KCNMB4: variants seen among roughly 807,000 people sequenced by gnomAD.
The protein encoded by KCNMB4 is calcium-activated potassium channel subunit beta-4.
A neutral mutation model predicts 20.7 loss-of-function variants in KCNMB4; 3 were observed. The ratio of observed to expected loss-of-function variants is 0.14; its 90% CI spans 0.07 to 0.37. KCNMB4 has a LOEUF of 0.37. Ranked by LOEUF, KCNMB4 falls within the 10% of genes least tolerant of loss-of-function variation. The probability of loss-of-function intolerance (pLI) is 1.00; values close to 1 mark genes in which losing one functional copy is unlikely to be tolerated. For missense variants in KCNMB4, 168 were observed against 265.9 expected, an observed-to-expected ratio of 0.63 and a Z score of 2.56; for synonymous variants, 110 against 113.4, an observed-to-expected ratio of 0.97 and a Z score of 0.19.
intron 2 of KCNMB4, 38 bp from the exon 3 acceptor site, chr12:70,430,447 T>C (rs1437342376): frequency 6.2e-7 from 1 of 1,608,954 alleles, no homozygotes; most frequent in Non-Finnish European, 8.5e-7. Context: ...CCAAGGCATT[T>C]GACTGCCCTT....
intron 1 of KCNMB4, among the ~76,000 whole-genome samples, chr12:70,388,911 C>T (rs1202470502): frequency 6.6e-6 from 1 of 151,528 alleles, no homozygotes; most frequent in Non-Finnish European, 1.5e-5. Flanking sequence ...GAGTAGTACT[C>T]CACTGCTCCA....
At chr12:70,395,613 G>A (rs938214083) in intron 1 of KCNMB4, among the ~76,000 whole-genome samples, 1 of 152,160 alleles carries the variant, frequency 6.6e-6, no homozygotes, top group East Asian at 1.9e-4. Flanking sequence ...TCCATGTTGT[G>A]TGATGATACT....
At chr12:70,395,206 A>G (rs191926667) in intron 1 of KCNMB4, among the ~76,000 whole-genome samples, 5 of 150,322 alleles carry the variant, frequency 3.3e-5, no homozygotes, top group African/African-American at 5.0e-5. Flanking sequence ...AATCAGCTGC[A>G]TGCATGTTTT....
At chr12:70,420,150 G>A (rs1167488393) in intron 2 of KCNMB4, among the ~76,000 whole-genome samples, 1 of 152,138 alleles carries the variant, frequency 6.6e-6, no homozygotes, top group Non-Finnish European at 1.5e-5. Flanking sequence ...GACTAACTGG[G>A]AAAGGGGATA....
Position 70,431,926 on chromosome 12 carries a change from A to G in KCNMB4, c.*1273A>G, listed in dbSNP as rs900299081. On this transcript the variant is annotated 3_prime_UTR_variant, in exon 3 of 3. Transcript: ENST00000258111. ...TCTATTAGAATAAAGGTAAACTGGA[A>G]TTTAAAGACAAGTTCCCCTCAGTTA... 4.6e-5 allele frequency: 7 copies of G among 152,166 alleles called. No homozygotes were observed. The highest frequency in any genetic ancestry group is 8.8e-5 in the Non-Finnish European group (6 of 68,028). The allele number at this position is 152,166 out of a possible 1,614,324, so 9.4% of individuals were successfully genotyped here.
intron 1 of KCNMB4, among the ~76,000 whole-genome samples, chr12:70,396,886 G>A (rs1005125476): frequency 3.3e-5 from 5 of 152,118 alleles, no homozygotes; most frequent in Admixed American, 2.0e-4. Flanking sequence ...TTCCAGCACC[G>A]TGCTTTGGAC....
chr12:70,385,081 GGTATTT>G lies in KCNMB4; in HGVS notation c.337-15118_337-15113del, dbSNP rs554324152. 2.6e-4 allele frequency among the ~76,000 whole-genome samples: 40 copies of G among 152,130 alleles called. No individual in the cohort carries two copies. In the East Asian group the frequency reaches 5.4e-3, roughly 21 times the overall value. ...AATACTTCTGGAATAAATACATCTT[GGTATTT>G]GTATTTGTAGTTACTGAGGTGTCAA... On this transcript the variant is annotated intron_variant, in intron 1 of 2. Coordinates refer to ENST00000258111, the MANE Select transcript of KCNMB4 (RefSeq NM_014505.6).
intron 2 of KCNMB4, among the ~76,000 whole-genome samples, chr12:70,415,643 C>G (rs1467643278): frequency 5.9e-5 from 9 of 152,214 alleles, no homozygotes; most frequent in African/African-American, 2.2e-4. Flanking sequence ...CATTTTTTCA[C>G]CAAACTCTAA....
At chr12:70,430,372 C>A in intron 2 of KCNMB4, 113 bp from the exon 3 acceptor site, 7 of 1,094,662 alleles carry the variant, frequency 6.4e-6, no homozygotes, top group Non-Finnish European at 9.5e-6. Context: ...CAGAGTGCAG[C>A]CTTTACTTTC....
intron 2 of KCNMB4, among the ~76,000 whole-genome samples, chr12:70,416,769 A>G (rs1395498554): frequency 2.6e-5 from 4 of 152,234 alleles, no homozygotes; most frequent in Non-Finnish European, 5.9e-5. Flanking sequence ...ATTCTTTACT[A>G]TATAATTTAG....
intron 2 of KCNMB4, among the ~76,000 whole-genome samples, chr12:70,409,037 A>G (rs184541986): frequency 1.3e-5 from 2 of 152,264 alleles, no homozygotes; most frequent in Admixed American, 1.3e-4. Context: ...TCATTCTTCA[A>G]TTCCCTTTGG....
intron 1 of KCNMB4, 45 bp downstream of exon 1, chr12:70,367,115 T>G: frequency 6.9e-7 from 1 of 1,448,156 alleles, no homozygotes; most frequent in Non-Finnish European, 9.2e-7. Context: ...GAGGGAGGTT[T>G]GGAGGCAGCG....
intron 1 of KCNMB4, among the ~76,000 whole-genome samples, chr12:70,386,040 C>T (rs981186371): frequency 1.1e-4 from 16 of 152,088 alleles, no homozygotes; most frequent in African/African-American, 3.9e-4. Flanking sequence ...CCTATAATAA[C>T]ATATATATAC....
chr12:70,424,070 G>A (rs576847287), intron 2 of KCNMB4, among the ~76,000 whole-genome samples: 68 of 152,256 alleles, frequency 4.5e-4, no homozygotes, highest in African/African-American at 1.3e-3. Flanking sequence ...AAAAGGGAGA[G>A]GAAGAAAAGT....
At chr12:70,399,400 A>G (rs550270447) in intron 1 of KCNMB4, among the ~76,000 whole-genome samples, 72 of 152,346 alleles carry the variant, frequency 4.7e-4, no homozygotes, top group African/African-American at 1.6e-3. Context: ...GGAAATTGTT[A>G]TAGGGTTGTA....
At chr12:70,411,710 G>A (rs1242068605) in intron 2 of KCNMB4, among the ~76,000 whole-genome samples, 1 of 152,184 alleles carries the variant, frequency 6.6e-6, no homozygotes, top group African/African-American at 2.4e-5. Flanking sequence ...TTGGGAGGCT[G>A]AGATGGGAGG....
At chr12:70,393,756 G>A (rs1181295539) in intron 1 of KCNMB4, among the ~76,000 whole-genome samples, 1 of 152,146 alleles carries the variant, frequency 6.6e-6, no homozygotes, top group Non-Finnish European at 1.5e-5. Flanking sequence ...AAACATTTAA[G>A]GAGAGAGGAA....
intron 2 of KCNMB4, among the ~76,000 whole-genome samples, chr12:70,409,977 T>A (rs1868727366): frequency 6.6e-6 from 1 of 152,220 alleles, no homozygotes; most frequent in African/African-American, 2.4e-5. Flanking sequence ...TTACATATTT[T>A]AACTTTTATT....
chr12:70,425,202 C>T (rs1593349383), intron 2 of KCNMB4, among the ~76,000 whole-genome samples: 1 of 151,736 alleles, frequency 6.6e-6, no homozygotes, highest in Non-Finnish European at 1.5e-5. Context: ...TTAGAGAGGC[C>T]GAGGTGGGCA....
Sources: allele counts gnomAD v4.1 joint callset (sites outside exome capture counted in the v4.1 genomes callset), GRCh38; gene constraint gnomAD v4.1.1; transcripts MANE v1.5; gene names NCBI Gene and HGNC (gene_info 2026-07-23, HGNC 2026-07-21).